The following GRIK2 variants were observed in gnomAD, a reference collection of about 807,000 sequenced individuals.
GRIK2 encodes glutamate ionotropic receptor kainate type subunit 2.
GRIK2 carries 32 observed loss-of-function variants against 100.3 expected under a neutral mutation model. The ratio of observed to expected loss-of-function variants is 0.32; its 90% CI spans 0.24 to 0.43. GRIK2 has a LOEUF of 0.43. Among genes scored for constraint, GRIK2 ranks in the 20% least tolerant of loss-of-function variants. The probability of loss-of-function intolerance (pLI) is 1.00; values close to 1 mark genes in which losing one functional copy is unlikely to be tolerated. For missense variants in GRIK2, 843 were observed against 1,114.9 expected (o/e 0.76, Z 3.47); for synonymous variants, 417 against 389.4 (o/e 1.07, Z -0.83).
At chr6:102,047,514 C>T (rs1270265524) in intron 15 of GRIK2, among the ~76,000 whole-genome samples, 2 of 151,970 alleles carry the variant, frequency 1.3e-5, no homozygotes. Context: ...CTTTGGGAGG[C>T]CGAGCTGGAT....
intron 14 of GRIK2, among the ~76,000 whole-genome samples, chr6:101,942,814 A>G (rs1257877808): frequency 2.0e-5 from 3 of 152,224 alleles, no homozygotes; most frequent in African/African-American, 7.2e-5. Context: ...AGCAAAGCAT[A>G]AAAGTTTGGA....
chr6:101,929,826 G>A (rs1318660675), intron 14 of GRIK2, among the ~76,000 whole-genome samples: 1 of 152,032 alleles, frequency 6.6e-6, no homozygotes, highest in Non-Finnish European at 1.5e-5. Flanking sequence ...TTTCTCATAT[G>A]ACTAGATTAA....
At chr6:101,700,111 C>A (rs1346115529) in intron 7 of GRIK2, among the ~76,000 whole-genome samples, 1 of 152,020 alleles carries the variant, frequency 6.6e-6, no homozygotes, top group Non-Finnish European at 1.5e-5. Flanking sequence ...GATCATGCAA[C>A]TGCACTCCAG....
intron 16 of GRIK2, among the ~76,000 whole-genome samples, chr6:102,062,933 A>T (rs774612065): frequency 1.3e-5 from 2 of 150,468 alleles, no homozygotes; most frequent in African/African-American, 2.4e-5. Context: ...TGGTAGAATA[A>T]TTTTCTGCAA....
At chr6:101,945,671 C>T (rs567905349) in intron 14 of GRIK2, among the ~76,000 whole-genome samples, 129 of 152,174 alleles carry the variant, frequency 8.5e-4, no homozygotes, top group Non-Finnish European at 1.6e-3. Context: ...TGTTCCATTT[C>T]AATCACTTTC....
At chr6:101,753,008 A>G (rs552480628) in intron 7 of GRIK2, among the ~76,000 whole-genome samples, 1 of 152,192 alleles carries the variant, frequency 6.6e-6, no homozygotes, top group Non-Finnish European at 1.5e-5. Flanking sequence ...AGACAAAATA[A>G]GACGGGCTGG....
chr6:101,738,691 G>T (rs1289737201), intron 7 of GRIK2, among the ~76,000 whole-genome samples: 1 of 152,048 alleles, frequency 6.6e-6, no homozygotes, highest in African/African-American at 2.4e-5. Flanking sequence ...TGACAATTTG[G>T]CTAGATAACT....
At chr6:101,528,309 A>G (rs1355929337) in intron 2 of GRIK2, among the ~76,000 whole-genome samples, 1 of 152,204 alleles carries the variant, frequency 6.6e-6, no homozygotes, top group Non-Finnish European at 1.5e-5. Flanking sequence ...TCTATATTAT[A>G]TAACACCCAC....
chr6:101,821,645 C>A (rs889863605), intron 10 of GRIK2, among the ~76,000 whole-genome samples: 3 of 151,890 alleles, frequency 2.0e-5, no homozygotes, highest in African/African-American at 7.3e-5. Context: ...TATTTTTATA[C>A]CTTTTAGTTA....
chr6:101,575,455 CCATT>C (rs1215617500), intron 2 of GRIK2, among the ~76,000 whole-genome samples: 1 of 151,900 alleles, frequency 6.6e-6, no homozygotes, highest in African/African-American at 2.4e-5. Context: ...TATATTGTCT[CCATT>C]CAGCAGTTTT....
At chr6:101,505,952 T>G (rs545549277) in intron 2 of GRIK2, among the ~76,000 whole-genome samples, 1 of 152,132 alleles carries the variant, frequency 6.6e-6, no homozygotes, top group Admixed American at 6.6e-5. Flanking sequence ...TCGAATATAT[T>G]GTTAATAGGC....
intron 14 of GRIK2, among the ~76,000 whole-genome samples, chr6:101,932,754 T>C (rs1222260192): frequency 1.3e-5 from 2 of 151,940 alleles, no homozygotes; most frequent in African/African-American, 4.8e-5. Context: ...GTCTTGAGCT[T>C]GTGTTAATTA....
chr6:101,692,654 A>G (rs1339919416), intron 7 of GRIK2, among the ~76,000 whole-genome samples: 1 of 151,998 alleles, frequency 6.6e-6, no homozygotes, highest in Non-Finnish European at 1.5e-5. Context: ...GTTTTCCGTA[A>G]TCATTTATGA....
In GRIK2 at chr6:101,928,710, G is replaced by A. The variant is rs1379975134; in HGVS notation, c.2085+78G>A. ...CTTCTCTCGATTCACAAATGTAAGA[G>A]TGTAACAACGCCATTATTTGTGCAC... On this transcript the variant is annotated intron_variant, in intron 14 of 16. Transcript: ENST00000369134. The A allele has an allele frequency of 3.9e-5, 29 of 743,260 alleles. No individual in the cohort carries two copies. The East Asian group carries it at 7.3e-4, about 19-fold the overall frequency. The allele number at this position is 743,260 out of a possible 1,614,324, so 46.0% of individuals were successfully genotyped here.
chr6:101,622,788 T>C (rs1294700504), intron 3 of GRIK2, among the ~76,000 whole-genome samples: 1 of 151,904 alleles, frequency 6.6e-6, no homozygotes, highest in Non-Finnish European at 1.5e-5. Flanking sequence ...AAAAATAATT[T>C]GGTGGAATAA....
chr6:101,887,372 T>C (rs1041386692), intron 11 of GRIK2, among the ~76,000 whole-genome samples: 1 of 152,144 alleles, frequency 6.6e-6, no homozygotes, highest in Non-Finnish European at 1.5e-5. Context: ...TTATATGGTT[T>C]GTATGTGACA....
intron 7 of GRIK2, among the ~76,000 whole-genome samples, chr6:101,775,747 T>C (rs1778705780): frequency 6.6e-6 from 1 of 151,592 alleles, no homozygotes; most frequent in Admixed American, 6.6e-5. Flanking sequence ...TTTCTTCATA[T>C]ATATATGGAA....
At chr6:101,923,430 A>C (rs905838055) in intron 12 of GRIK2, among the ~76,000 whole-genome samples, 1 of 152,206 alleles carries the variant, frequency 6.6e-6, no homozygotes, top group Non-Finnish European at 1.5e-5. Flanking sequence ...TATAATTAGC[A>C]TAAATTATTT....
At chr6:101,407,354 G>A (rs1012976459) in intron 2 of GRIK2, among the ~76,000 whole-genome samples, 18 of 152,012 alleles carry the variant, frequency 1.2e-4, no homozygotes, top group Non-Finnish European at 2.2e-4. Flanking sequence ...GAATTGCCAA[G>A]GACAGTTAAA....
Sources: gnomAD v4.1 joint callset for allele counts (sites outside exome capture counted in the v4.1 genomes callset) on GRCh38, gnomAD v4.1.1 for gene constraint, MANE v1.5 for transcripts, NCBI Gene and HGNC (gene_info 2026-07-23, HGNC 2026-07-21) for gene names.